KCNIP3: variants seen among roughly 807,000 people sequenced by gnomAD.
KCNIP3 encodes calsenilin.
KCNIP3 carries 28 observed loss-of-function variants against 35.0 expected under a neutral mutation model. The observed-to-expected ratio is 0.80, with a 90% CI of 0.59 to 1.10. The LOEUF (loss-of-function observed/expected upper bound fraction) is 1.10, where lower values mean the gene tolerates loss of function less well. Ranked by LOEUF, KCNIP3 falls within the 50% of genes least tolerant of loss-of-function variation. The pLI, the probability that KCNIP3 is intolerant of heterozygous loss-of-function variation, is 0.00. For synonymous variants in KCNIP3, 134 were observed against 133.8 expected, an observed-to-expected ratio of 1.00 and a Z score of -0.01; for missense variants, 295 against 338.4, an observed-to-expected ratio of 0.87 and a Z score of 1.01.
rs1040763971 is a variant in KCNIP3 at position 95,383,663 on chromosome 2, CAG to C, written c.724-338_724-337del. 9.9e-5 allele frequency among the ~76,000 whole-genome samples: 15 copies of C among 152,216 alleles called. No individual in the cohort carries two copies. The East Asian group carries it at 2.7e-3, about 27-fold the overall frequency. On this transcript the variant is annotated intron_variant, in intron 8 of 8. Coordinates refer to ENST00000295225, the MANE Select transcript of KCNIP3 (RefSeq NM_013434.5). ...CTGCTGGCCCTTCCAGAGAGCACCT[CAG>C]GGGGCAGGATGCTGGGCCTCCAGCG...
At chr2:95,353,058 C>T (rs1370384311) in intron 2 of KCNIP3, among the ~76,000 whole-genome samples, 1 of 152,218 alleles carries the variant, frequency 6.6e-6, no homozygotes, top group Non-Finnish European at 1.5e-5. Flanking sequence ...GGTTAGCGAG[C>T]AAACACTGAG....
At chr2:95,335,958 C>G (rs547500403) in intron 2 of KCNIP3, among the ~76,000 whole-genome samples, 1 of 152,212 alleles carries the variant, frequency 6.6e-6, no homozygotes, top group African/African-American at 2.4e-5. Flanking sequence ...TACTTGTTTT[C>G]TATTTGTCAC....
intron 2 of KCNIP3, among the ~76,000 whole-genome samples, chr2:95,366,597 C>A (rs1329283374): frequency 1.3e-5 from 2 of 152,160 alleles, no homozygotes; most frequent in East Asian, 3.8e-4. Flanking sequence ...AAGAAAGTGG[C>A]AACGTGATTT....
chr2:95,336,903 A>G (rs6741001), intron 2 of KCNIP3, among the ~76,000 whole-genome samples: 117,848 of 152,120 alleles, frequency 0.77, 46,173 homozygotes, highest in African/African-American at 0.88. Context: ...TATTTCCTCA[A>G]TGCTCTCTGA....
Position 95,303,741 on chromosome 2 carries a change from C to T in KCNIP3, c.15+6288C>T, listed in dbSNP as rs561400887. Among the ~76,000 whole-genome samples, 18 of 152,322 alleles carry T rather than the reference C, an allele frequency of 1.2e-4. No individual in the cohort carries two copies. In the South Asian group the frequency reaches 2.9e-3, roughly 25 times the overall value. On this transcript the variant is annotated intron_variant, in intron 1 of 8. Coordinates refer to ENST00000295225, the MANE Select transcript of KCNIP3 (RefSeq NM_013434.5). ...CTTGAGTGGCAGAGAGCAGCTGGGGCGGCTGTGCCCTGCCAGGAGGATGCT... is the reference window on the plus strand; with the variant it reads ...CTTGAGTGGCAGAGAGCAGCTGGGGTGGCTGTGCCCTGCCAGGAGGATGCT...
chr2:95,361,087 G>T (rs1406714525), intron 2 of KCNIP3, among the ~76,000 whole-genome samples: 1 of 152,202 alleles, frequency 6.6e-6, no homozygotes, highest in African/African-American at 2.4e-5. Flanking sequence ...TCTTCTACAA[G>T]TTAACATCTA....
chr2:95,317,400 G>A lies in KCNIP3; in HGVS notation c.181+6880G>A, dbSNP rs914622264. ...TCTGCCTCCAGGAACAGTGAGCTCC[G>A]GGGGCCTGGAGGCTGAGGCCAGGCA... On this transcript the variant is annotated intron_variant, in intron 2 of 8. Transcript: ENST00000295225. Among the ~76,000 whole-genome samples the A allele has an allele frequency of 2.4e-4, 36 of 152,288 alleles. 1 individual carries two copies. Among genetic ancestry groups the A allele is most frequent in the African/African-American group, 7.9e-4 (33 of 41,564 alleles).
intron 5 of KCNIP3, among the ~76,000 whole-genome samples, chr2:95,379,085 A>G (rs1164019246): frequency 6.6e-6 from 1 of 151,586 alleles, no homozygotes; most frequent in African/African-American, 2.4e-5. Context: ...CACAAGTGAG[A>G]ATTTGGGACT....
chr2:95,362,540 A>G (rs1679825609), intron 2 of KCNIP3, among the ~76,000 whole-genome samples: 1 of 152,198 alleles, frequency 6.6e-6, no homozygotes, highest in African/African-American at 2.4e-5. Flanking sequence ...TTCAACGATG[A>G]AGTTGAGGGG....
intron 2 of KCNIP3, among the ~76,000 whole-genome samples, chr2:95,314,887 G>A (rs948242740): frequency 6.6e-5 from 10 of 152,210 alleles, no homozygotes; most frequent in Non-Finnish European, 1.3e-4. Flanking sequence ...TCTTCTGGCT[G>A]GGGGAGAGGC....
chr2:95,374,844 G>A lies in KCNIP3; in HGVS notation c.307-4G>A. The A allele has an allele frequency of 6.2e-7, 1 of 1,613,498 alleles. No individual in the cohort carries two copies. Among genetic ancestry groups the A allele is most frequent in the African/African-American group, 1.3e-5 (1 of 75,054 alleles). ...AGGGCTGAGGGGGTGCCTTCCTGCT[G>A]CAGGAGTGTCCCACGGGCCTGGTGG... On this transcript the variant is annotated splice_region_variant and splice_polypyrimidine_tract_variant and intron_variant, in intron 3 of 8. Transcript: ENST00000295225.
chr2:95,372,488 T>C (rs919423179), intron 2 of KCNIP3, among the ~76,000 whole-genome samples: 1 of 152,034 alleles, frequency 6.6e-6, no homozygotes, highest in Non-Finnish European at 1.5e-5. Context: ...GATACTACAG[T>C]ATGTCTATAT....
intron 2 of KCNIP3, among the ~76,000 whole-genome samples, chr2:95,349,096 C>G (rs527930834): frequency 6.6e-6 from 1 of 152,108 alleles, no homozygotes; most frequent in Non-Finnish European, 1.5e-5. Context: ...CACCCCCCCC[C>G]GCCCCCCGTC....
At chr2:95,360,811 A>G (rs1679781977) in intron 2 of KCNIP3, among the ~76,000 whole-genome samples, 1 of 152,224 alleles carries the variant, frequency 6.6e-6, no homozygotes, top group Non-Finnish European at 1.5e-5. Context: ...CACTGTGATA[A>G]TGGTATTAGT....
At chr2:95,348,053 A>G (rs1679421129) in intron 2 of KCNIP3, among the ~76,000 whole-genome samples, 1 of 152,242 alleles carries the variant, frequency 6.6e-6, no homozygotes, top group African/African-American at 2.4e-5. Context: ...GCTTCCCTCC[A>G]TTCTACCTTC....
chr2:95,307,644 G>T (rs987719902), intron 1 of KCNIP3, among the ~76,000 whole-genome samples: 2 of 152,224 alleles, frequency 1.3e-5, no homozygotes, highest in African/African-American at 2.4e-5. Flanking sequence ...ACACCCATGG[G>T]ATCTCCCGCA....
chr2:95,326,671 C>G (rs1184176970), intron 2 of KCNIP3, among the ~76,000 whole-genome samples: 1 of 152,220 alleles, frequency 6.6e-6, no homozygotes, highest in African/African-American at 2.4e-5. Flanking sequence ...GGACAGGCCT[C>G]CTCTGGCCAC....
chr2:95,354,661 C>T (rs561275209), intron 2 of KCNIP3, among the ~76,000 whole-genome samples: 52 of 152,328 alleles, frequency 3.4e-4, no homozygotes, highest in African/African-American at 1.2e-3. Context: ...TCTCTAACTG[C>T]GGGGCCAAGG....
At chr2:95,364,928 T>TA (rs1308138873) in intron 2 of KCNIP3, among the ~76,000 whole-genome samples, 3 of 151,876 alleles carry the variant, frequency 2.0e-5, no homozygotes, top group South Asian at 2.1e-4. Flanking sequence ...CTATTATAAA[T>TA]AAAAAAAATT....
Sources: gnomAD v4.1 joint callset for allele counts (sites outside exome capture counted in the v4.1 genomes callset) on GRCh38, gnomAD v4.1.1 for gene constraint, MANE v1.5 for transcripts, NCBI Gene and HGNC (gene_info 2026-07-23, HGNC 2026-07-21) for gene names.